VMP1: variants seen among roughly 807,000 people sequenced by gnomAD.
The protein encoded by VMP1 is ectopic P-granules autophagy protein 3 homolog.
In VMP1, 11 loss-of-function variants were observed where a neutral mutation model predicts 56.0. That is an observed-to-expected ratio of 0.20 (90% CI 0.12 to 0.32). VMP1 has a LOEUF of 0.32. Among genes scored for constraint, VMP1 ranks in the 10% least tolerant of loss-of-function variants. The pLI is 1.00. For synonymous variants in VMP1, 149 were observed against 165.0 expected, an observed-to-expected ratio of 0.90 and a Z score of 0.74; for missense variants, 296 against 490.3, an observed-to-expected ratio of 0.60 and a Z score of 3.74.
intron 5 of VMP1, among the ~76,000 whole-genome samples, chr17:59,747,688 G>A (rs2035478320): frequency 1.3e-5 from 2 of 151,408 alleles, no homozygotes. Flanking sequence ...TAGGATTACA[G>A]ACATGAGCCA....
chr17:59,744,226 C>T (rs775163178), intron 5 of VMP1, among the ~76,000 whole-genome samples: 4 of 151,252 alleles, frequency 2.6e-5, no homozygotes, highest in Non-Finnish European at 5.9e-5. Flanking sequence ...TTTGGGAGGC[C>T]GAGGCGGGTG....
chr17:59,719,242 C>T (rs899231335), intron 1 of VMP1, among the ~76,000 whole-genome samples: 2 of 152,036 alleles, frequency 1.3e-5, no homozygotes, highest in Admixed American at 6.6e-5. Flanking sequence ...TCGCTTGAGC[C>T]CAAGAGTTCC....
At chr17:59,789,351 A>G (rs1257372276) in intron 7 of VMP1, among the ~76,000 whole-genome samples, 3 of 151,040 alleles carry the variant, frequency 2.0e-5, no homozygotes, top group African/African-American at 7.3e-5. Flanking sequence ...TCTGGCCAAT[A>G]TGGTGAAACC....
At chr17:59,743,898 T>C (rs1042272347) in intron 5 of VMP1, among the ~76,000 whole-genome samples, 1 of 152,060 alleles carries the variant, frequency 6.6e-6, no homozygotes, top group Admixed American at 6.6e-5. Flanking sequence ...TCCTTTCTTG[T>C]CTTATTGCAT....
rs1183647256 is a variant in VMP1 at position 59,842,133 on chromosome 17, T to C, written c.*2222T>C. 5 of 152,130 alleles carry C rather than the reference T, an allele frequency of 3.3e-5. No homozygotes were observed. Among genetic ancestry groups the C allele is most frequent in the African/African-American group, 9.7e-5 (4 of 41,426 alleles). 9.4% of individuals were successfully genotyped at this position (152,130 alleles called of 1,614,324 possible). A position where few individuals can be genotyped will look rare whatever the true frequency, so the allele number is the denominator to read the frequency against. On this transcript the variant is annotated 3_prime_UTR_variant, in exon 12 of 12. Coordinates refer to ENST00000262291, the MANE Select transcript of VMP1 (RefSeq NM_030938.5). ...CACCAAAGTGGAGACAAATACATGA[T>C]CTCAAAGATACACAGTACCTACTTA...
At chr17:59,797,834 G>A (rs577415564) in intron 7 of VMP1, among the ~76,000 whole-genome samples, 1 of 152,208 alleles carries the variant, frequency 6.6e-6, no homozygotes, top group South Asian at 2.1e-4. Context: ...AGCTAAGATC[G>A]CACCATTGCA....
intron 7 of VMP1, among the ~76,000 whole-genome samples, chr17:59,786,247 A>G (rs919982189): frequency 1.3e-5 from 2 of 152,190 alleles, no homozygotes; most frequent in African/African-American, 4.8e-5. Flanking sequence ...TTTGATAATG[A>G]TAGAATATGT....
At position 59,748,191 on chromosome 17, in the gene VMP1, G is replaced by A. The variant is rs540263291; in HGVS notation, c.414+9244G>A. Among the ~76,000 whole-genome samples the A allele has an allele frequency of 1.2e-3, 100 of 85,354 alleles. No homozygotes were observed. In the Middle Eastern group the frequency reaches 0.033, roughly 28 times the overall value. The allele number at this position is 85,354 out of a possible 152,430, so 56.0% of individuals were successfully genotyped here. ...AGCCTGGGCAATAGAGCGAGACTCCGTCTCAAAAAAAAAAAAAAAAAAAAA... is the reference window on the plus strand; with the variant it reads ...AGCCTGGGCAATAGAGCGAGACTCCATCTCAAAAAAAAAAAAAAAAAAAAA... On this transcript the variant is annotated intron_variant, in intron 5 of 11. Coordinates refer to ENST00000262291, the MANE Select transcript of VMP1 (RefSeq NM_030938.5).
intron 1 of VMP1, among the ~76,000 whole-genome samples, chr17:59,723,605 G>A (rs76856339): frequency 0.19 from 28,721 of 152,018 alleles, 3,345 homozygotes; most frequent in East Asian, 0.44. Context: ...ATGAGTAAGT[G>A]GAGCCTGTAT....
chr17:59,796,266 C>A (rs1166397627), intron 7 of VMP1, among the ~76,000 whole-genome samples: 2 of 152,180 alleles, frequency 1.3e-5, no homozygotes, highest in African/African-American at 4.8e-5. Context: ...TTCTCTGAAG[C>A]CTTTCCTGAC....
At chr17:59,786,252 A>C (rs1336218736) in intron 7 of VMP1, among the ~76,000 whole-genome samples, 1 of 152,178 alleles carries the variant, frequency 6.6e-6, no homozygotes, top group African/African-American at 2.4e-5. Flanking sequence ...TAATGATAGA[A>C]TATGTGTTTG....
At chr17:59,788,215 G>A (rs530494074) in intron 7 of VMP1, among the ~76,000 whole-genome samples, 4 of 152,098 alleles carry the variant, frequency 2.6e-5, no homozygotes, top group African/African-American at 4.8e-5. Flanking sequence ...TGGGCTTGGC[G>A]CGTTGGCTCA....
intron 7 of VMP1, among the ~76,000 whole-genome samples, chr17:59,781,490 A>G (rs907048853): frequency 5.3e-5 from 8 of 152,170 alleles, no homozygotes; most frequent in South Asian, 2.1e-4. Context: ...TACCAATGTT[A>G]TTATAAAATT....
At chr17:59,834,396 C>A (rs2038912662) in intron 10 of VMP1, among the ~76,000 whole-genome samples, 1 of 152,168 alleles carries the variant, frequency 6.6e-6, no homozygotes, top group Non-Finnish European at 1.5e-5. Context: ...CCACTAGTAG[C>A]TGAGATTACA....
At chr17:59,727,543 C>G (rs950886646) in intron 1 of VMP1, among the ~76,000 whole-genome samples, 2 of 152,140 alleles carry the variant, frequency 1.3e-5, no homozygotes, top group Non-Finnish European at 2.9e-5. Flanking sequence ...CATTTGGCTT[C>G]TTTACCAGAC....
rs566140577 is a variant in VMP1 at position 59,804,676 on chromosome 17, C to T, written c.715-4120C>T. On this transcript the variant is annotated intron_variant, in intron 7 of 11. Coordinates refer to ENST00000262291, the MANE Select transcript of VMP1 (RefSeq NM_030938.5). Reference sequence around the variant, plus strand: ...AAAATAAGAAACAATAAAATATGTTCGTGTTTATCAAATCTAAACATTAAA... The same window carrying T: ...AAAATAAGAAACAATAAAATATGTTTGTGTTTATCAAATCTAAACATTAAA... Among the ~76,000 whole-genome samples the T allele has an allele frequency of 3.8e-4, 56 of 146,664 alleles. No homozygotes were observed. In the East Asian group the frequency reaches 5.2e-3, roughly 14 times the overall value.
intron 5 of VMP1, among the ~76,000 whole-genome samples, chr17:59,747,413 C>CTTTT (rs201448260): frequency 1.5e-5 from 2 of 137,150 alleles, no homozygotes; most frequent in East Asian, 2.3e-4. Context: ...TTCTTTCTTT[C>CTTTT]TTTTTTTTTT....
Position 59,735,420 on chromosome 17 carries a change from C to T in VMP1, c.159C>T (p.Thr53=), listed in dbSNP as rs761966519. The T allele has an allele frequency of 6.2e-7, 1 of 1,614,014 alleles. No individual in the cohort carries two copies. The highest frequency in any genetic ancestry group is 8.5e-7 in the Non-Finnish European group (1 of 1,180,016). ...NIVLWRQPLI[T]LQYFSLEILV... Reference sequence around the variant, plus strand: ...TCCTGTGGAGACAGCCGCTCATTACCTTGCAGTATTTTTCTCTGGAAATCC... The same window carrying T: ...TCCTGTGGAGACAGCCGCTCATTACTTTGCAGTATTTTTCTCTGGAAATCC... Residue 53 remains threonine, a synonymous_variant, in exon 3 of 12, where the codon ACC becomes ACT. Coordinates refer to ENST00000262291, the MANE Select transcript of VMP1 (RefSeq NM_030938.5).
At chr17:59,831,050 T>G (rs988903807) in intron 10 of VMP1, among the ~76,000 whole-genome samples, 2 of 152,056 alleles carry the variant, frequency 1.3e-5, no homozygotes, top group Non-Finnish European at 2.9e-5. Context: ...GATCTTGAAC[T>G]CTTAGACTCA....
Sources: gnomAD v4.1 joint callset for allele counts (sites outside exome capture counted in the v4.1 genomes callset) on GRCh38, gnomAD v4.1.1 for gene constraint, MANE v1.5 for transcripts, NCBI Gene and HGNC (gene_info 2026-07-23, HGNC 2026-07-21) for gene names.